FAM185A: variants seen among roughly 807,000 people sequenced by gnomAD.
FAM185A encodes family with sequence similarity 185 member A.
A neutral mutation model predicts 45.7 loss-of-function variants in FAM185A; 21 were observed. That is an observed-to-expected ratio of 0.46 (90% CI 0.33 to 0.66). The LOEUF is 0.66. Ranked by LOEUF, FAM185A falls within the 30% of genes least tolerant of loss-of-function variation. FAM185A has a pLI of 0.03. For synonymous variants in FAM185A, 117 were observed against 194.0 expected (o/e 0.60, Z 3.30); for missense variants, 305 against 485.4 (o/e 0.63, Z 3.49).
intron 6 of FAM185A, among the ~76,000 whole-genome samples, chr7:102,786,103 G>C (rs551308621): frequency 0.017 from 2,551 of 152,204 alleles, 66 homozygotes; most frequent in African/African-American, 0.058. Flanking sequence ...CTGGCCATCA[G>C]AGAAATGCAA....
At chr7:102,770,998 T>C (rs1170757355) in intron 4 of FAM185A, among the ~76,000 whole-genome samples, 2 of 152,204 alleles carry the variant, frequency 1.3e-5, no homozygotes, top group East Asian at 3.8e-4. Flanking sequence ...GAGAATGTGG[T>C]ACATATACAC....
the FAM185A span, among the ~76,000 whole-genome samples, chr7:102,846,919 T>C: frequency 2.0e-5 from 3 of 152,088 alleles, no homozygotes; most frequent in African/African-American, 7.2e-5. Flanking sequence ...CCAGCTAACC[T>C]GTAGTTCTTC....
At chr7:102,778,279 G>T (rs1795193589) in intron 6 of FAM185A, among the ~76,000 whole-genome samples, 1 of 152,192 alleles carries the variant, frequency 6.6e-6, no homozygotes, top group South Asian at 2.1e-4. Flanking sequence ...ACACCGGTGT[G>T]ACTTCTCAAT....
intron 5 of FAM185A, among the ~76,000 whole-genome samples, chr7:102,775,010 G>GT (rs200919500): frequency 0.065 from 5,178 of 79,772 alleles, 188 homozygotes; most frequent in East Asian, 0.24. Flanking sequence ...TTTTGTTTTT[G>GT]TTTTTTTTTT....
At chr7:102,756,796 AT>A (rs1793772323) in intron 2 of FAM185A, among the ~76,000 whole-genome samples, 1 of 139,022 alleles carries the variant, frequency 7.2e-6, no homozygotes, top group Non-Finnish European at 1.5e-5. Context: ...CGGCTCTGCC[AT>A]CTTTTAGAGC....
At chr7:102,818,873 T>C in the FAM185A span, among the ~76,000 whole-genome samples, 1 of 152,158 alleles carries the variant, frequency 6.6e-6, no homozygotes, top group African/African-American at 2.4e-5. Flanking sequence ...CCATGGTGTT[T>C]TGCTGCACAG....
chr7:102,752,792 G>C (rs1374211926), intron 2 of FAM185A, among the ~76,000 whole-genome samples: 1 of 135,074 alleles, frequency 7.4e-6, no homozygotes, highest in African/African-American at 2.8e-5. Context: ...TCTCTGATAG[G>C]TGCTAGCTTA....
chr7:102,844,216 TATTA>T, the FAM185A span, among the ~76,000 whole-genome samples: 1 of 152,250 alleles, frequency 6.6e-6, no homozygotes, highest in Non-Finnish European at 1.5e-5. Context: ...CAGAGTCATT[TATTA>T]ATTATCTTTT....
downstream of FAM185A, among the ~76,000 whole-genome samples, chr7:102,810,391 C>A (rs1459092889): frequency 6.6e-6 from 1 of 152,010 alleles, no homozygotes; most frequent in Non-Finnish European, 1.5e-5. Flanking sequence ...CGCCACCATG[C>A]CCAGCTAAGT....
chr7:102,826,982 G>A, the FAM185A span: 8 of 352,310 alleles, frequency 2.3e-5, no homozygotes, highest in African/African-American at 1.7e-4. Context: ...ATGTAGCTGT[G>A]GTAGATTAAA....
the FAM185A span, among the ~76,000 whole-genome samples, chr7:102,819,896 T>G: frequency 6.6e-5 from 10 of 152,202 alleles, no homozygotes; most frequent in Non-Finnish European, 1.5e-4. Context: ...AAAACGAAGC[T>G]GCTCCATAGA....
In FAM185A at chr7:102,761,265, C is replaced by T; in HGVS notation, c.655-8C>T. ...TTATAATGAACTGATTAGTCTTTCT[C>T]TTACTAGGCTGTGACCATAGATAAA... On this transcript the variant is annotated splice_polypyrimidine_tract_variant and splice_region_variant and intron_variant, in intron 3 of 7. Transcript: ENST00000413034. 1 of 1,530,364 alleles carries T rather than the reference C, an allele frequency of 6.5e-7. No homozygotes were observed. The highest frequency in any genetic ancestry group is 1.7e-4 in the Middle Eastern group (1 of 5,920). The allele number at this position is 1,530,364 out of a possible 1,614,324, so 94.8% of individuals were successfully genotyped here.
chr7:102,770,544 C>G (rs1794687302), intron 4 of FAM185A, among the ~76,000 whole-genome samples: 1 of 151,152 alleles, frequency 6.6e-6, no homozygotes, highest in Non-Finnish European at 1.5e-5. Flanking sequence ...GAGCAAAAGA[C>G]AGGACATTTT....
At chr7:102,800,284 C>T (rs550126863) in intron 7 of FAM185A, among the ~76,000 whole-genome samples, 52 of 152,278 alleles carry the variant, frequency 3.4e-4, no homozygotes, top group South Asian at 1.5e-3. Flanking sequence ...CAGAGCCTAC[C>T]CAAATGAGAA....
At chr7:102,821,008 T>G in the FAM185A span, among the ~76,000 whole-genome samples, 8 of 152,226 alleles carry the variant, frequency 5.3e-5, no homozygotes, top group African/African-American at 1.9e-4. Context: ...TTCAATAATA[T>G]TACCTCTTAT....
the FAM185A span, chr7:102,822,111 G>A: frequency 1.2e-6 from 2 of 1,614,198 alleles, no homozygotes; most frequent in Non-Finnish European, 1.7e-6. Flanking sequence ...GGTCCTCAAG[G>A]ATTTGGTCAG....
At chr7:102,774,876 C>G (rs1562857605) in intron 5 of FAM185A, among the ~76,000 whole-genome samples, 1 of 152,236 alleles carries the variant, frequency 6.6e-6, no homozygotes, top group Admixed American at 6.5e-5. Context: ...GCTGGAATTA[C>G]AGGCATAAGC....
chr7:102,820,260 T>G, the FAM185A span, among the ~76,000 whole-genome samples: 4 of 152,226 alleles, frequency 2.6e-5, no homozygotes, highest in South Asian at 4.1e-4. Context: ...AACCAGCCCC[T>G]TTCTAAGCAT....
In FAM185A at chr7:102,768,167, G is replaced by A. The variant is rs568530282; in HGVS notation, c.794-4242G>A. 6.8e-5 allele frequency among the ~76,000 whole-genome samples: 8 copies of A among 118,160 alleles called. 1 individual carries two copies. The highest frequency in any genetic ancestry group is 1.3e-4 in the African/African-American group (5 of 39,120). The allele number at this position is 118,160 out of a possible 152,430, so 77.5% of individuals were successfully genotyped here. On this transcript the variant is annotated intron_variant, in intron 4 of 7. Transcript: ENST00000413034. Reference sequence around the variant, plus strand: ...AACATGTCATTCTCTTATTCGGACCGTTTTCTACTGCCTTAGTGACGTGCC... The same window carrying A: ...AACATGTCATTCTCTTATTCGGACCATTTTCTACTGCCTTAGTGACGTGCC...
Sources: allele counts gnomAD v4.1 joint callset (sites outside exome capture counted in the v4.1 genomes callset), GRCh38; gene constraint gnomAD v4.1.1; transcripts MANE v1.5; gene names NCBI Gene and HGNC (gene_info 2026-07-23, HGNC 2026-07-21).